TMEM123: variants seen among roughly 807,000 people sequenced by gnomAD.
TMEM123 encodes transmembrane protein 123, also known as porimin.
Under a neutral mutation model 19.7 loss-of-function variants are expected in TMEM123, and 16 were observed. The ratio of observed to expected loss-of-function variants is 0.81; its 90% CI spans 0.55 to 1.23. TMEM123 has a LOEUF of 1.23. Ranked by LOEUF, TMEM123 falls within the 50% of genes most tolerant of loss-of-function variation. The pLI is 0.00. For missense variants in TMEM123, 313 were observed against 257.8 expected, an observed-to-expected ratio of 1.21 and a Z score of -1.47; for synonymous variants, 118 against 99.4, an observed-to-expected ratio of 1.19 and a Z score of -1.12.
chr11:102,438,602 T>C (rs1260770813), intron 2 of TMEM123, among the ~76,000 whole-genome samples: 2 of 152,192 alleles, frequency 1.3e-5, no homozygotes, highest in African/African-American at 4.8e-5. Flanking sequence ...TTGGATGATG[T>C]TAAAAATTAC....
At chr11:102,441,204 T>C (rs1388180315) in intron 2 of TMEM123, among the ~76,000 whole-genome samples, 3 of 152,178 alleles carry the variant, frequency 2.0e-5, no homozygotes, top group African/African-American at 7.2e-5. Context: ...CTAATAGACA[T>C]CTACAGAACT....
chr11:102,412,916 C>G (rs756036559), intron 2 of TMEM123, among the ~76,000 whole-genome samples: 2 of 152,130 alleles, frequency 1.3e-5, no homozygotes, highest in African/African-American at 2.4e-5. Context: ...CTAAAAACTA[C>G]AGAAATCTTC....
At chr11:102,447,338 G>T (rs1375769439) in intron 2 of TMEM123, among the ~76,000 whole-genome samples, 1 of 152,184 alleles carries the variant, frequency 6.6e-6, no homozygotes, top group African/African-American at 2.4e-5. Context: ...ATAGGTTTTA[G>T]AATACAACTG....
intron 2 of TMEM123, among the ~76,000 whole-genome samples, chr11:102,430,336 G>C (rs745513352): frequency 7.9e-5 from 12 of 152,232 alleles, no homozygotes; most frequent in Non-Finnish European, 1.0e-4. Flanking sequence ...GTGCTGGGAA[G>C]GTGGTGGTGA....
In TMEM123 at chr11:102,420,800, C is replaced by T. The variant is rs561990083; in HGVS notation, c.158-18594G>A. 7.2e-5 allele frequency among the ~76,000 whole-genome samples: 11 copies of T among 152,288 alleles called. No individual in the cohort carries two copies. In the South Asian group the frequency reaches 2.3e-3, roughly 32 times the overall value. ...TAGGGGGCCACCGGGCCTGGTGGCT[C>T]ACTTTGGGAGGCCAAGGCGGGTGGG... On this transcript the variant is annotated intron_variant, in intron 2 of 4. Coordinates refer to ENST00000398136, the MANE Select transcript of TMEM123 (RefSeq NM_052932.3).
At chr11:102,403,565 AT>A (rs1199764401) in intron 2 of TMEM123, among the ~76,000 whole-genome samples, 1 of 152,090 alleles carries the variant, frequency 6.6e-6, no homozygotes, top group Non-Finnish European at 1.5e-5. Flanking sequence ...TTCTGTATTC[AT>A]TTCCTGTCTC....
intron 2 of TMEM123, chr11:102,448,473 G>A (rs986803968): frequency 1.1e-4 from 38 of 334,882 alleles, no homozygotes; most frequent in Non-Finnish European, 3.5e-5. Context: ...TTCATCAATA[G>A]GACCTGCAGA....
At position 102,436,458 on chromosome 11, in the gene TMEM123, C is replaced by T. The variant is rs778975685; in HGVS notation, c.157+12354G>A. 3.3e-5 allele frequency among the ~76,000 whole-genome samples: 5 copies of T among 151,994 alleles called. 1 individual carries two copies. Among genetic ancestry groups the T allele is most frequent in the Admixed American group, 6.6e-5 (1 of 15,234 alleles). On this transcript the variant is annotated intron_variant, in intron 2 of 4. Coordinates refer to ENST00000398136, the MANE Select transcript of TMEM123 (RefSeq NM_052932.3). ...GATTACAGGCGTGAGCCACCGCACCCAGCCTCAATTTAACTCCTTATAAAT... is the reference window on the plus strand; with the variant it reads ...GATTACAGGCGTGAGCCACCGCACCTAGCCTCAATTTAACTCCTTATAAAT...
Position 102,452,755 on chromosome 11 carries a change from G to A in TMEM123, c.-132C>T. 1.5e-6 allele frequency: 1 copy of A among 663,466 alleles called. No individual in the cohort carries two copies. Among genetic ancestry groups the A allele is most frequent in the Non-Finnish European group, 2.2e-6 (1 of 456,588 alleles). The allele number at this position is 663,466 out of a possible 1,614,324, so 41.1% of individuals were successfully genotyped here. ...GCGCACGTTTCCCCTCCCGCCGCTTGCCCCCCGAATGACCAAATAGGGCGC... is the reference window on the plus strand; with the variant it reads ...GCGCACGTTTCCCCTCCCGCCGCTTACCCCCCGAATGACCAAATAGGGCGC... On this transcript the variant is annotated 5_prime_UTR_variant, in exon 1 of 5. Coordinates refer to ENST00000398136, the MANE Select transcript of TMEM123 (RefSeq NM_052932.3).
chr11:102,419,286 C>A, intron 2 of TMEM123, among the ~76,000 whole-genome samples: 1 of 152,110 alleles, frequency 6.6e-6, no homozygotes, highest in East Asian at 1.9e-4. Flanking sequence ...AATTTCAATC[C>A]TTATTCATGT....
chr11:102,402,913 A>G (rs1381787386), intron 2 of TMEM123, among the ~76,000 whole-genome samples: 1 of 152,216 alleles, frequency 6.6e-6, no homozygotes, highest in Non-Finnish European at 1.5e-5. Flanking sequence ...ACACAACTCA[A>G]ACAATACCTT....
Position 102,401,623 on chromosome 11 carries a change from A to G in TMEM123, c.518T>C (p.Ile173Thr), listed in dbSNP as rs759150358. 1 of 1,608,826 alleles carries G rather than the reference A, an allele frequency of 6.2e-7. No homozygotes were observed. Among genetic ancestry groups the G allele is most frequent in the Non-Finnish European group, 8.5e-7 (1 of 1,178,800 alleles). ...KFDTGSFVGG[I>T]VLTLGVLSIL... ...AGATAAAACTCCCAGCGTTAATACA[A>G]TACCACCAACAAAGCTCCCAGTATC... Residue 173 changes from isoleucine to threonine, a missense_variant, in exon 4 of 5, where the codon ATT becomes ACT. Coordinates refer to ENST00000398136, the MANE Select transcript of TMEM123 (RefSeq NM_052932.3).
At chr11:102,441,050 C>T (rs954120339) in intron 2 of TMEM123, among the ~76,000 whole-genome samples, 1 of 152,148 alleles carries the variant, frequency 6.6e-6, no homozygotes, top group Non-Finnish European at 1.5e-5. Context: ...AAAGCAAGTC[C>T]TTAGAGACCT....
At chr11:102,446,227 A>G (rs1287570415) in intron 2 of TMEM123, among the ~76,000 whole-genome samples, 1 of 152,244 alleles carries the variant, frequency 6.6e-6, no homozygotes, top group African/African-American at 2.4e-5. Flanking sequence ...TATAAAGTGT[A>G]AATTCATCCA....
intron 2 of TMEM123, among the ~76,000 whole-genome samples, chr11:102,403,809 C>T (rs527458077): frequency 9.2e-5 from 14 of 152,268 alleles, no homozygotes; most frequent in African/African-American, 2.9e-4. Flanking sequence ...TGGATCAGTT[C>T]CTGTGGAAAT....
chr11:102,422,882 A>G (rs1022668673), intron 2 of TMEM123, among the ~76,000 whole-genome samples: 2 of 152,208 alleles, frequency 1.3e-5, no homozygotes, highest in Admixed American at 6.5e-5. Flanking sequence ...GCATCATGCA[A>G]TGATTAACTC....
intron 2 of TMEM123, among the ~76,000 whole-genome samples, chr11:102,430,763 C>G (rs1292756075): frequency 3.3e-5 from 5 of 152,194 alleles, no homozygotes; most frequent in Non-Finnish European, 1.5e-5. Context: ...CTCTTAGCCG[C>G]ATGAGACAGC....
chr11:102,434,457 T>G, intron 2 of TMEM123, among the ~76,000 whole-genome samples: 1 of 151,946 alleles, frequency 6.6e-6, no homozygotes, highest in East Asian at 1.9e-4. Context: ...ATTTTCTTTC[T>G]ATAGAGTTGA....
intron 2 of TMEM123, among the ~76,000 whole-genome samples, chr11:102,416,342 C>A (rs1339217334): frequency 6.6e-6 from 1 of 152,096 alleles, no homozygotes; most frequent in Non-Finnish European, 1.5e-5. Flanking sequence ...ACCAACCCTA[C>A]AGAAATACAA....
Sources: allele counts gnomAD v4.1 joint callset (sites outside exome capture counted in the v4.1 genomes callset), GRCh38; gene constraint gnomAD v4.1.1; transcripts MANE v1.5; gene names NCBI Gene and HGNC (gene_info 2026-07-23, HGNC 2026-07-21).